The following CFAP20DC variants were observed in gnomAD, a reference collection of about 807,000 sequenced individuals.
CFAP20DC encodes CFAP20 domain containing.
Under a neutral mutation model 101.7 loss-of-function variants are expected in CFAP20DC, and 84 were observed. That is an observed-to-expected ratio of 0.83 (90% CI 0.69 to 0.99). The LOEUF is 0.99. CFAP20DC is among the 50% of genes least tolerant of loss of function. The pLI, the probability that CFAP20DC is intolerant of heterozygous loss-of-function variation, is 0.00. For synonymous variants in CFAP20DC, 359 were observed against 351.2 expected, an observed-to-expected ratio of 1.02 and a Z score of -0.25; for missense variants, 1,007 against 970.3, an observed-to-expected ratio of 1.04 and a Z score of -0.50.
chr3:58,834,686 T>C (rs777279041), intron 13 of CFAP20DC, among the ~76,000 whole-genome samples: 3 of 152,144 alleles, frequency 2.0e-5, no homozygotes, highest in Non-Finnish European at 2.9e-5. Flanking sequence ...GGGACCACAG[T>C]ACATACCTCA....
chr3:59,042,677 T>C lies in CFAP20DC; in HGVS notation c.206-3048A>G, dbSNP rs370472190. 4.7e-4 allele frequency among the ~76,000 whole-genome samples: 71 copies of C among 152,292 alleles called. No homozygotes were observed. In the East Asian group the frequency reaches 6.0e-3, roughly 13 times the overall value. On this transcript the variant is annotated intron_variant, in intron 3 of 16. Coordinates refer to ENST00000482387, the MANE Select transcript of CFAP20DC (RefSeq NM_001394063.1). Reference sequence around the variant, plus strand: ...TTTAGTGGAGGAGTAACATTACTTATGTGTTTCTTACAATTTAAAAGTATT... The same window carrying C: ...TTTAGTGGAGGAGTAACATTACTTACGTGTTTCTTACAATTTAAAAGTATT...
rs1220882610 is a variant in CFAP20DC, at chr3:58,894,218, C to T, written c.551-9509G>A. 6.6e-6 allele frequency among the ~76,000 whole-genome samples: 1 copy of T among 152,152 alleles called. No individual in the cohort carries two copies. Among genetic ancestry groups the T allele is most frequent in the Admixed American group, 6.5e-5 (1 of 15,272 alleles). ...CACATTTCAAAGCCAATTATGCCTTCCCAACAGTCCCCCGAAGTCTTAACT... is the reference window on the plus strand; with the variant it reads ...CACATTTCAAAGCCAATTATGCCTTTCCAACAGTCCCCCGAAGTCTTAACT... On this transcript the variant is annotated intron_variant, in intron 6 of 16. Coordinates refer to ENST00000482387, the MANE Select transcript of CFAP20DC (RefSeq NM_001394063.1). This position sits in a 1 kb window ranked among gnomAD's most constrained non-coding sequence, Gnocchi z 4.1.
intron 15 of CFAP20DC, among the ~76,000 whole-genome samples, chr3:58,763,522 C>A (rs1456945968): frequency 6.6e-6 from 1 of 152,004 alleles, no homozygotes; most frequent in Admixed American, 6.6e-5. Flanking sequence ...TTGTCTGAAG[C>A]CTTCTTTTCT....
chr3:58,979,553 T>A (rs1286263259), intron 4 of CFAP20DC, among the ~76,000 whole-genome samples: 1 of 152,188 alleles, frequency 6.6e-6, no homozygotes, highest in Non-Finnish European at 1.5e-5. Flanking sequence ...ATGACAAGAA[T>A]GAAATTCAGG....
In CFAP20DC at chr3:58,861,542, G is replaced by GA; in HGVS notation, c.1593+2015dup. 1.0e-6 allele frequency: 1 copy of GA among 981,716 alleles called. No homozygotes were observed. The highest frequency in any genetic ancestry group is 4.7e-5 in the South Asian group (1 of 21,206). The allele number at this position is 981,716 out of a possible 1,614,324, so 60.8% of individuals were successfully genotyped here. On this transcript the variant is annotated intron_variant, in intron 12 of 16. Transcript: ENST00000482387. This position sits in a 1 kb window ranked among gnomAD's most constrained non-coding sequence, Gnocchi z 4.0. ...AAAAGAAATTACCAAAAGTACAAAAGAAAAAATCCAATTTTGTTAAGAAGG... is the reference window on the plus strand; with the variant it reads ...AAAAGAAATTACCAAAAGTACAAAAGAAAAAAATCCAATTTTGTTAAGAAGG...
Position 59,037,071 on chromosome 3 carries a change from T to C in CFAP20DC, c.278+2486A>G, listed in dbSNP as rs571451286. Among the ~76,000 whole-genome samples the C allele has an allele frequency of 3.9e-5, 6 of 152,272 alleles. No individual in the cohort carries two copies. The South Asian group carries it at 1.2e-3, about 32-fold the overall frequency. On this transcript the variant is annotated intron_variant, in intron 4 of 16. Transcript: ENST00000482387. ...TAATAAATGGAGTTGGGAAACTGGATAGCCAAATGCAGAATACTGAAACTG... is the reference window on the plus strand; with the variant it reads ...TAATAAATGGAGTTGGGAAACTGGACAGCCAAATGCAGAATACTGAAACTG...
In CFAP20DC at chr3:58,849,297, T is replaced by C; in HGVS notation, c.1706A>G (p.Tyr569Cys). 6.5e-7 allele frequency: 1 copy of C among 1,536,142 alleles called. No individual in the cohort carries two copies. Among genetic ancestry groups the C allele is most frequent in the Non-Finnish European group, 8.7e-7 (1 of 1,146,912 alleles). Residue 569 changes from tyrosine to cysteine, a missense_variant, in exon 13 of 17, where the codon TAT (tyrosine) becomes TGT (cysteine). Tyr to Cys is a radical substitution (Grantham distance 194). Transcript: ENST00000482387. ...GKAAKRTSKE[Y>C]LRSAYTEAGA... ...TGCTTCTGTGTAGGCGCTCCTTAGA[T>C]ATTCCTTACTTGTCCGCTTTGCAGC...
chr3:58,950,550 T>C (rs2089981529), intron 4 of CFAP20DC, among the ~76,000 whole-genome samples: 2 of 152,214 alleles, frequency 1.3e-5, no homozygotes, highest in African/African-American at 4.8e-5. Flanking sequence ...ATGGTACTGG[T>C]ATCAAAACAG....
At chr3:59,029,587 T>C (rs13062949) in intron 4 of CFAP20DC, among the ~76,000 whole-genome samples, 1 of 151,572 alleles carries the variant, frequency 6.6e-6, no homozygotes, top group Non-Finnish European at 1.5e-5. Flanking sequence ...ACCAGCAGAG[T>C]GAGTGCTATG....
chr3:58,832,284 AC>A (rs1368249285), intron 13 of CFAP20DC, among the ~76,000 whole-genome samples: 1 of 151,850 alleles, frequency 6.6e-6, no homozygotes, highest in Admixed American at 6.6e-5. Context: ...TAAAATTTTC[AC>A]TTTTAGCATT....
intron 16 of CFAP20DC, among the ~76,000 whole-genome samples, chr3:58,750,236 T>A (rs2068473692): frequency 6.6e-6 from 1 of 152,200 alleles, no homozygotes; most frequent in Admixed American, 6.5e-5. Context: ...GGGGCAAGTT[T>A]TCTAGAATTA....
At chr3:58,883,401 T>C (rs1275806405) in intron 7 of CFAP20DC, among the ~76,000 whole-genome samples, 1 of 152,132 alleles carries the variant, frequency 6.6e-6, no homozygotes, top group African/African-American at 2.4e-5. Context: ...TTCTCTACCT[T>C]AGGATACTGA....
At position 58,954,712 on chromosome 3, in the gene CFAP20DC, T is replaced by C. The variant is rs553769582; in HGVS notation, c.279-16950A>G. Among the ~76,000 whole-genome samples, 13 of 152,320 alleles carry C rather than the reference T, an allele frequency of 8.5e-5. No homozygotes were observed. In the South Asian group the frequency reaches 2.3e-3, roughly 27 times the overall value. ...GCTGAAGTTTAAATTCACTGAAGAT[T>C]CTTCTGTCTTTAAAAGAGAAGAGAA... On this transcript the variant is annotated intron_variant, in intron 4 of 16. Transcript: ENST00000482387.
intron 5 of CFAP20DC, among the ~76,000 whole-genome samples, chr3:58,927,791 G>A (rs1157180998): frequency 6.6e-6 from 1 of 152,170 alleles, no homozygotes; most frequent in Non-Finnish European, 1.5e-5. Context: ...CATCTTGAAT[G>A]GGTGAGATGC....
intron 16 of CFAP20DC, among the ~76,000 whole-genome samples, chr3:58,749,590 A>C (rs559249528): frequency 6.6e-6 from 1 of 152,328 alleles, no homozygotes; most frequent in African/African-American, 2.4e-5. Flanking sequence ...CTTTGCCATA[A>C]AAAAGGTATA....
intron 5 of CFAP20DC, among the ~76,000 whole-genome samples, chr3:58,937,291 C>T (rs974738770): frequency 7.9e-5 from 12 of 152,168 alleles, no homozygotes; most frequent in African/African-American, 2.4e-5. Context: ...GGCTTCCTAT[C>T]TCTCCCTGTT....
intron 15 of CFAP20DC, among the ~76,000 whole-genome samples, chr3:58,758,781 T>C (rs886488817): frequency 6.6e-6 from 1 of 152,062 alleles, no homozygotes; most frequent in Non-Finnish European, 1.5e-5. Context: ...AGGGAGAACA[T>C]GCGGTGTTTG....
At chr3:58,802,170 T>TA (rs1462061095) in intron 15 of CFAP20DC, among the ~76,000 whole-genome samples, 1 of 152,196 alleles carries the variant, frequency 6.6e-6, no homozygotes, top group African/African-American at 2.4e-5. Context: ...AGGAATATCT[T>TA]ACGTTTTTCT....
chr3:58,784,165 T>G (rs1342827273), intron 15 of CFAP20DC, among the ~76,000 whole-genome samples: 1 of 151,888 alleles, frequency 6.6e-6, no homozygotes, highest in Non-Finnish European at 1.5e-5. Context: ...CACTTATGAG[T>G]GAGAACATAT....
Sources: gnomAD v4.1 joint callset for allele counts (sites outside exome capture counted in the v4.1 genomes callset) on GRCh38, gnomAD v4.1.1 for gene constraint, Gnocchi (gnomAD v3.1) non-coding constraint, MANE v1.5 for transcripts, NCBI Gene and HGNC (gene_info 2026-07-23, HGNC 2026-07-21) for gene names.